Variants in CTNND2 observed in about 807,000 individuals in gnomAD.
CTNND2 encodes catenin delta 2, also known as catenin delta-2.
Under a neutral mutation model 144.4 loss-of-function variants are expected in CTNND2, and 22 were observed. The observed-to-expected ratio is 0.15, with a 90% CI of 0.11 to 0.22. The LOEUF is 0.22. Among genes scored for constraint, CTNND2 ranks in the 10% least tolerant of loss-of-function variants. The pLI is 1.00. For synonymous variants in CTNND2, 751 were observed against 695.6 expected, an observed-to-expected ratio of 1.08 and a Z score of -1.25; for missense variants, 1,353 against 1,618.8, an observed-to-expected ratio of 0.84 and a Z score of 2.82.
chr5:11,419,698 T>C (rs1459595358), intron 3 of CTNND2, among the ~76,000 whole-genome samples: 1 of 152,196 alleles, frequency 6.6e-6, no homozygotes, highest in East Asian at 1.9e-4. Flanking sequence ...ATCATAGCCT[T>C]AGTAACTATC....
intron 2 of CTNND2, among the ~76,000 whole-genome samples, chr5:11,605,604 T>G (rs920935611): frequency 1.3e-5 from 2 of 152,208 alleles, no homozygotes; most frequent in African/African-American, 4.8e-5. Context: ...TTATGCTATA[T>G]TTAATGTGAC....
intron 19 of CTNND2, among the ~76,000 whole-genome samples, chr5:10,991,422 G>A (rs181255077): frequency 1.3e-5 from 2 of 152,092 alleles, no homozygotes; most frequent in Non-Finnish European, 2.9e-5. Context: ...CATCTGTGTG[G>A]GTGCATATAA....
intron 2 of CTNND2, among the ~76,000 whole-genome samples, chr5:11,710,741 A>G (rs776250693): frequency 6.6e-6 from 1 of 152,118 alleles, no homozygotes; most frequent in Non-Finnish European, 1.5e-5. Context: ...TGCTGCCTTC[A>G]CAGCAGTTAC....
At chr5:11,535,187 TA>T (rs11398798) in intron 3 of CTNND2, among the ~76,000 whole-genome samples, 6,500 of 133,520 alleles carry the variant, frequency 0.049, 323 homozygotes, top group African/African-American at 0.14. Context: ...TACTCTGTCT[TA>T]AAAAAAAAAA....
chr5:11,548,377 T>G (rs555708201), intron 3 of CTNND2, among the ~76,000 whole-genome samples: 2 of 152,322 alleles, frequency 1.3e-5, no homozygotes, highest in African/African-American at 4.8e-5. Context: ...TTTAAAACCA[T>G]GAATATGCAA....
intron 3 of CTNND2, among the ~76,000 whole-genome samples, chr5:11,500,949 A>G (rs1185483927): frequency 6.6e-6 from 1 of 152,238 alleles, no homozygotes; most frequent in Admixed American, 6.5e-5. Context: ...GAACATTAGC[A>G]TGTCAGCTAT....
At chr5:11,306,899 C>T (rs1750277485) in intron 9 of CTNND2, among the ~76,000 whole-genome samples, 1 of 152,168 alleles carries the variant, frequency 6.6e-6, no homozygotes, top group African/African-American at 2.4e-5. Flanking sequence ...GGACTGACAC[C>T]TCTGCTCGCA....
At chr5:11,794,614 T>A (rs1472247321) in intron 1 of CTNND2, among the ~76,000 whole-genome samples, 1 of 152,200 alleles carries the variant, frequency 6.6e-6, no homozygotes, top group African/African-American at 2.4e-5. Flanking sequence ...TACATCTTTG[T>A]CCACAAGGAA....
chr5:11,761,664 T>C lies in CTNND2; in HGVS notation c.38-29392A>G, dbSNP rs1789270837. 2.0e-5 allele frequency among the ~76,000 whole-genome samples: 3 copies of C among 152,282 alleles called. No individual in the cohort carries two copies. The South Asian group carries it at 6.2e-4, about 32-fold the overall frequency. On this transcript the variant is annotated intron_variant, in intron 1 of 21. Transcript: ENST00000304623. ...GTTATTAGAGTTGCTACCTACTGAT[T>C]TAGAACAAACAACTCTAGTGCAGAG...
intron 1 of CTNND2, among the ~76,000 whole-genome samples, chr5:11,841,054 C>T (rs1256780522): frequency 6.6e-6 from 1 of 152,080 alleles, no homozygotes; most frequent in Non-Finnish European, 1.5e-5. Context: ...CAATAATATT[C>T]TATTTTAGAT....
chr5:11,495,859 C>T (rs1769883011), intron 3 of CTNND2, among the ~76,000 whole-genome samples: 1 of 152,190 alleles, frequency 6.6e-6, no homozygotes, highest in African/African-American at 2.4e-5. Context: ...TTCCCAGCTC[C>T]TCTCTGCTCC....
chr5:11,754,853 G>A (rs1788840794), intron 1 of CTNND2, among the ~76,000 whole-genome samples: 1 of 151,474 alleles, frequency 6.6e-6, no homozygotes, highest in Middle Eastern at 3.2e-3. Flanking sequence ...TCCATGTGGG[G>A]TAAGTATCTT....
At chr5:11,442,598 A>T (rs1460427790) in intron 3 of CTNND2, among the ~76,000 whole-genome samples, 1 of 151,874 alleles carries the variant, frequency 6.6e-6, no homozygotes, top group Non-Finnish European at 1.5e-5. Flanking sequence ...AGCTTTACTG[A>T]AGGCTTTCGC....
intron 7 of CTNND2, among the ~76,000 whole-genome samples, chr5:11,380,160 G>T (rs1758338653): frequency 6.6e-6 from 1 of 152,170 alleles, no homozygotes; most frequent in South Asian, 2.1e-4. Flanking sequence ...TCTGCGCGGG[G>T]TTTAAAACTG....
chr5:11,672,795 T>C (rs1226727959), intron 2 of CTNND2, among the ~76,000 whole-genome samples: 1 of 152,066 alleles, frequency 6.6e-6, no homozygotes, highest in Non-Finnish European at 1.5e-5. Flanking sequence ...AAGGGCAGTA[T>C]CTGGGCCAGA....
chr5:11,577,254 TGGAAAG>T (rs890594177), intron 2 of CTNND2, among the ~76,000 whole-genome samples: 52 of 152,338 alleles, frequency 3.4e-4, no homozygotes, highest in African/African-American at 1.3e-3. Context: ...GATGCTTATG[TGGAAAG>T]CATTCTGCAA....
At chr5:11,749,981 A>G (rs1349422894) in intron 1 of CTNND2, among the ~76,000 whole-genome samples, 1 of 152,000 alleles carries the variant, frequency 6.6e-6, no homozygotes, top group Non-Finnish European at 1.5e-5. Context: ...ATTTTCTGGC[A>G]GGGTTTTTGC....
intron 14 of CTNND2, among the ~76,000 whole-genome samples, chr5:11,107,048 T>C (rs555120989): frequency 8.5e-5 from 13 of 152,258 alleles, no homozygotes; most frequent in Non-Finnish European, 1.8e-4. Flanking sequence ...TCTACATCAG[T>C]GGAAATACAC....
intron 3 of CTNND2, among the ~76,000 whole-genome samples, chr5:11,489,079 T>C (rs1177153293): frequency 6.6e-6 from 1 of 152,164 alleles, no homozygotes; most frequent in Non-Finnish European, 1.5e-5. Context: ...TACCTAGAAG[T>C]TGGATTCTGG....
Sources: allele counts gnomAD v4.1 joint callset (sites outside exome capture counted in the v4.1 genomes callset), GRCh38; gene constraint gnomAD v4.1.1; transcripts MANE v1.5; gene names NCBI Gene and HGNC (gene_info 2026-07-23, HGNC 2026-07-21).